The following COLEC10 variants were observed in gnomAD, a reference collection of about 807,000 sequenced individuals.
The protein encoded by COLEC10 is collectin subfamily member 10.
Under a neutral mutation model 28.4 loss-of-function variants are expected in COLEC10, and 22 were observed. The ratio of observed to expected loss-of-function variants is 0.78; its 90% CI spans 0.55 to 1.11. The LOEUF is 1.11. Among genes scored for constraint, COLEC10 ranks in the 50% least tolerant of loss-of-function variants. COLEC10 has a pLI of 0.00. For synonymous variants in COLEC10, 125 were observed against 116.1 expected (o/e 1.08, Z -0.49); for missense variants, 361 against 344.1 (o/e 1.05, Z -0.39).
chr8:119,098,799 A>G (rs1035234772), intron 3 of COLEC10, among the ~76,000 whole-genome samples: 1 of 152,112 alleles, frequency 6.6e-6, no homozygotes, highest in Non-Finnish European at 1.5e-5. Context: ...ATATGCCATC[A>G]AATTTATGAG....
At chr8:118,954,297 T>C in the COLEC10 span, among the ~76,000 whole-genome samples, 10 of 152,204 alleles carry the variant, frequency 6.6e-5, no homozygotes, top group African/African-American at 1.2e-4. Flanking sequence ...CCTTTATTCA[T>C]CACTCACTGA....
intron 3 of COLEC10, among the ~76,000 whole-genome samples, chr8:119,099,635 T>C (rs1008344389): frequency 9.3e-5 from 14 of 150,270 alleles, no homozygotes; most frequent in African/African-American, 3.4e-4. Flanking sequence ...AAAGAATTCA[T>C]GTCAAAATAC....
At chr8:118,994,695 A>AAC (rs1378735146), upstream of COLEC10, among the ~76,000 whole-genome samples, 1 of 152,136 alleles carries the variant, frequency 6.6e-6, no homozygotes, top group African/African-American at 2.4e-5. Context: ...CTGCCTCCTC[A>AAC]ACACACACAC....
chr8:119,067,069 T>C (rs1382468680), upstream of COLEC10, among the ~76,000 whole-genome samples: 2 of 152,148 alleles, frequency 1.3e-5, no homozygotes, highest in East Asian at 3.9e-4. Flanking sequence ...TAAACTGTTG[T>C]CACTTGAAAA....
intron 1 of COLEC10, among the ~76,000 whole-genome samples, chr8:119,082,077 A>T (rs1815381431): frequency 6.6e-6 from 1 of 152,210 alleles, no homozygotes; most frequent in African/African-American, 2.4e-5. Flanking sequence ...GAGAGAGTGA[A>T]CATATGATAA....
intron 2 of COLEC10, among the ~76,000 whole-genome samples, chr8:119,019,127 T>C (rs1439026696): frequency 6.6e-6 from 1 of 152,192 alleles, no homozygotes; most frequent in Non-Finnish European, 1.5e-5. Context: ...GTGTAATGAA[T>C]CATAGTGTCC....
the COLEC10 span, among the ~76,000 whole-genome samples, chr8:118,955,296 G>C: frequency 1.3e-5 from 2 of 152,158 alleles, no homozygotes; most frequent in Non-Finnish European, 2.9e-5. Flanking sequence ...GTATATGTGG[G>C]TATGTCTTTT....
chr8:119,077,694 C>T (rs1455674318), intron 1 of COLEC10, among the ~76,000 whole-genome samples: 2 of 152,160 alleles, frequency 1.3e-5, no homozygotes, highest in East Asian at 1.9e-4. Context: ...GAGGAACTAA[C>T]TAAGTGTTAT....
the COLEC10 span, among the ~76,000 whole-genome samples, chr8:118,965,419 A>G: frequency 6.6e-6 from 1 of 152,126 alleles, no homozygotes; most frequent in Non-Finnish European, 1.5e-5. Flanking sequence ...CAAAGGTGGC[A>G]ACTTTTCTCA....
chr8:119,101,451 G>GA (rs371844701), intron 3 of COLEC10, among the ~76,000 whole-genome samples: 2 of 151,856 alleles, frequency 1.3e-5, no homozygotes, highest in East Asian at 1.9e-4. Flanking sequence ...TTTTGAAGTT[G>GA]AAAAAAAATT....
chr8:119,021,110 G>C (rs1814083114), intron 2 of COLEC10, among the ~76,000 whole-genome samples: 2 of 152,102 alleles, frequency 1.3e-5, no homozygotes, highest in South Asian at 4.1e-4. Context: ...AATGTTAATT[G>C]AAAAACCAAT....
Position 119,060,610 on chromosome 8 carries a change from T to C in COLEC10, n.236-29070T>C, listed in dbSNP as rs142562259. 3.2e-4 allele frequency among the ~76,000 whole-genome samples: 48 copies of C among 152,258 alleles called. No individual in the cohort carries two copies. The East Asian group carries it at 8.5e-3, about 27-fold the overall frequency. ...AAGAACAGTGAGTTTCTTAAATCCC[T>C]TTCTTAATCAGAATGCTACTGGTAA... is the stretch of plus-strand genomic sequence containing the variant. On this transcript the variant is annotated intron_variant and non_coding_transcript_variant, in intron 2 of 6. Coordinates refer to the COLEC10 transcript ENST00000521788.
intron 2 of COLEC10, among the ~76,000 whole-genome samples, chr8:119,061,381 A>G (rs912885490): frequency 6.6e-6 from 1 of 151,720 alleles, no homozygotes; most frequent in Non-Finnish European, 1.5e-5. Context: ...TAGCCAATAC[A>G]GTAAATGCTA....
At chr8:119,026,360 C>A (rs1216431451) in intron 2 of COLEC10, among the ~76,000 whole-genome samples, 1 of 151,772 alleles carries the variant, frequency 6.6e-6, no homozygotes, top group East Asian at 1.9e-4. Flanking sequence ...TTGAGACCAG[C>A]CTGGGCAACA....
chr8:118,978,723 T>C, the COLEC10 span, among the ~76,000 whole-genome samples: 1 of 152,042 alleles, frequency 6.6e-6, no homozygotes, highest in Admixed American at 6.6e-5. Flanking sequence ...TGTATTTGCA[T>C]ATAAAATTTA....
At chr8:119,019,380 T>C (rs79253165) in intron 2 of COLEC10, among the ~76,000 whole-genome samples, 6,683 of 152,144 alleles carry the variant, frequency 0.044, 215 homozygotes, top group East Asian at 0.16. Flanking sequence ...TGAAGGAAAA[T>C]CTGTATTCCA....
At chr8:119,055,786 A>G (rs1168906607) in intron 2 of COLEC10, among the ~76,000 whole-genome samples, 1 of 152,080 alleles carries the variant, frequency 6.6e-6, no homozygotes, top group East Asian at 1.9e-4. Flanking sequence ...AAATCTGAAC[A>G]TGCTTCCTCT....
At chr8:118,984,260 C>T in the COLEC10 span, among the ~76,000 whole-genome samples, 3 of 151,800 alleles carry the variant, frequency 2.0e-5, no homozygotes, top group Non-Finnish European at 2.9e-5. Flanking sequence ...TATGTTCTTA[C>T]GTATAAGTGG....
chr8:119,063,897 T>C (rs1814904738), upstream of COLEC10, among the ~76,000 whole-genome samples: 1 of 152,090 alleles, frequency 6.6e-6, no homozygotes, highest in Non-Finnish European at 1.5e-5. Context: ...ATGAAGACAG[T>C]TTTATAAACT....
Sources: gnomAD v4.1 joint callset for allele counts (sites outside exome capture counted in the v4.1 genomes callset) on GRCh38, gnomAD v4.1.1 for gene constraint, MANE v1.5 for transcripts, NCBI Gene and HGNC (gene_info 2026-07-23, HGNC 2026-07-21) for gene names.